Variants in HHAT observed in about 807,000 individuals in gnomAD.
HHAT encodes hedgehog acyltransferase.
A neutral mutation model predicts 70.8 loss-of-function variants in HHAT; 47 were observed. That is an observed-to-expected ratio of 0.66 (90% CI 0.53 to 0.85). The LOEUF (loss-of-function observed/expected upper bound fraction) is 0.85. Ranked by LOEUF, HHAT falls within the 40% of genes least tolerant of loss-of-function variation. The pLI, the probability that HHAT is intolerant of heterozygous loss-of-function variation, is 0.00. For synonymous variants in HHAT, 228 were observed against 247.6 expected, an observed-to-expected ratio of 0.92 and a Z score of 0.74; for missense variants, 609 against 604.8, an observed-to-expected ratio of 1.01 and a Z score of -0.07.
intron 9 of HHAT, among the ~76,000 whole-genome samples, chr1:210,526,874 A>G (rs1573042074): frequency 6.6e-6 from 1 of 152,200 alleles, no homozygotes; most frequent in Non-Finnish European, 1.5e-5. Flanking sequence ...AATATGAAAT[A>G]TATATTTGGT....
At chr1:210,643,215 G>A (rs1673318111) in intron 11 of HHAT, among the ~76,000 whole-genome samples, 1 of 152,140 alleles carries the variant, frequency 6.6e-6, no homozygotes, top group African/African-American at 2.4e-5. Context: ...TGCTGTGAAT[G>A]TAATTCCTTA....
intron 10 of HHAT, among the ~76,000 whole-genome samples, chr1:210,615,757 T>A (rs527932499): frequency 1.3e-5 from 2 of 152,372 alleles, no homozygotes; most frequent in African/African-American, 2.4e-5. Context: ...CAGCGAATAT[T>A]GCTGAACAGC....
At chr1:210,608,285 A>G (rs899913102) in intron 10 of HHAT, among the ~76,000 whole-genome samples, 3 of 152,206 alleles carry the variant, frequency 2.0e-5, no homozygotes, top group Non-Finnish European at 4.4e-5. Context: ...GCCTGCAGTT[A>G]TGAATCATTT....
rs1334523648 is a variant in HHAT at position 210,595,557 on chromosome 1, G to T, written c.1245+7458G>T. On this transcript the variant is annotated intron_variant, in intron 10 of 11. Coordinates refer to ENST00000261458, the MANE Select transcript of HHAT (RefSeq NM_018194.6). ...AGTCGCCACACTGACTTCCACAATG[G>T]TTGAACTAGTTTACAGTCCCACCAT... is the stretch of plus-strand genomic sequence containing the variant. Among the ~76,000 whole-genome samples the T allele has an allele frequency of 2.6e-5, 4 of 152,168 alleles. No homozygotes were observed. The East Asian group carries it at 7.7e-4, about 29-fold the overall frequency.
At chr1:210,535,496 A>C (rs1425227144) in intron 9 of HHAT, among the ~76,000 whole-genome samples, 4 of 151,228 alleles carry the variant, frequency 2.6e-5, no homozygotes, top group African/African-American at 9.7e-5. Context: ...ATAGTTGATG[A>C]TTCTCTGGAC....
intron 9 of HHAT, among the ~76,000 whole-genome samples, chr1:210,522,731 G>T (rs1330758778): frequency 6.6e-6 from 1 of 152,124 alleles, no homozygotes; most frequent in Admixed American, 6.5e-5. Flanking sequence ...GCCTGGAAAT[G>T]ATGGAAACTC....
At chr1:210,649,492 C>G (rs114188110) in intron 11 of HHAT, among the ~76,000 whole-genome samples, 1 of 152,350 alleles carries the variant, frequency 6.6e-6, no homozygotes, top group African/African-American at 2.4e-5. Flanking sequence ...GACCTAACAT[C>G]ACCATGACTA....
intron 1 of HHAT, among the ~76,000 whole-genome samples, chr1:210,346,745 A>G (rs1456878693): frequency 6.6e-6 from 1 of 152,214 alleles, no homozygotes; most frequent in East Asian, 1.9e-4. Context: ...TGGTCTGAAG[A>G]AAGGAGTTTG....
At chr1:210,561,452 A>C (rs2095621961) in intron 9 of HHAT, among the ~76,000 whole-genome samples, 1 of 152,156 alleles carries the variant, frequency 6.6e-6, no homozygotes, top group Non-Finnish European at 1.5e-5. Context: ...TGTGAGTCTA[A>C]ATCTGTTTCC....
intron 9 of HHAT, 131 bp downstream of exon 9, chr1:210,513,319 C>T (rs1432800361): frequency 1.9e-6 from 1 of 532,930 alleles, no homozygotes; most frequent in Non-Finnish European, 3.3e-6. Flanking sequence ...GAAAACATTG[C>T]TAACACTATG....
intron 10 of HHAT, among the ~76,000 whole-genome samples, chr1:210,593,676 C>A (rs892342168): frequency 6.6e-6 from 1 of 152,082 alleles, no homozygotes; most frequent in Non-Finnish European, 1.5e-5. Flanking sequence ...CTGTAAATGT[C>A]GATTAGGTCC....
At chr1:210,493,246 GTGCATGTATA>G (rs1174657438) in intron 8 of HHAT, among the ~76,000 whole-genome samples, 1 of 151,984 alleles carries the variant, frequency 6.6e-6, no homozygotes, top group Non-Finnish European at 1.5e-5. Context: ...ATGTATGTAT[GTGCATGTATA>G]TATACATACA....
intron 8 of HHAT, 152 bp downstream of exon 8, chr1:210,464,807 C>T (rs981336635): frequency 2.8e-6 from 2 of 719,440 alleles, no homozygotes; most frequent in Non-Finnish European, 4.6e-6. Context: ...AACAGGATGA[C>T]TAATCCATGC....
chr1:210,374,724 G>A (rs1214885021), intron 3 of HHAT, among the ~76,000 whole-genome samples: 1 of 151,444 alleles, frequency 6.6e-6, no homozygotes, highest in Non-Finnish European at 1.5e-5. Context: ...AGTACAGAGA[G>A]GCCTTGTGTA....
At chr1:210,368,431 G>A (rs9970284) in intron 3 of HHAT, among the ~76,000 whole-genome samples, 86,728 of 151,778 alleles carry the variant, frequency 0.57, 25,791 homozygotes, top group African/African-American at 0.73. Context: ...AGCTGGGGTT[G>A]CAGGCGTGTG....
intron 9 of HHAT, among the ~76,000 whole-genome samples, chr1:210,559,175 G>A (rs2095599327): frequency 6.6e-6 from 1 of 152,156 alleles, no homozygotes; most frequent in Non-Finnish European, 1.5e-5. Flanking sequence ...TCAGGCTGTA[G>A]CCTCTTATTG....
In HHAT at chr1:210,638,950, T is replaced by C. The variant is rs1163513530; in HGVS notation, c.1390+15280T>C. On this transcript the variant is annotated intron_variant, in intron 11 of 11. Coordinates refer to ENST00000261458, the MANE Select transcript of HHAT (RefSeq NM_018194.6). ...TTAAAAACAAAAATGATTGTGGTGA[T>C]GGTTCAACAACTCTGTGAATATACT... Among the ~76,000 whole-genome samples the C allele has an allele frequency of 3.3e-5, 5 of 152,116 alleles. No homozygotes were observed. The East Asian group carries it at 9.6e-4, about 29-fold the overall frequency.
chr1:210,459,196 T>TG (rs1468821212), intron 7 of HHAT, among the ~76,000 whole-genome samples: 1 of 152,180 alleles, frequency 6.6e-6, no homozygotes, highest in Admixed American at 6.5e-5. Flanking sequence ...TTCTTGATAC[T>TG]GGGAATACAA....
intron 9 of HHAT, among the ~76,000 whole-genome samples, chr1:210,563,882 A>AT (rs2095645835): frequency 6.6e-6 from 1 of 152,228 alleles, no homozygotes; most frequent in East Asian, 1.9e-4. Flanking sequence ...GCATCAGTGT[A>AT]TTATTAGCCT....
Sources: allele counts gnomAD v4.1 joint callset (sites outside exome capture counted in the v4.1 genomes callset), GRCh38; gene constraint gnomAD v4.1.1; transcripts MANE v1.5; gene names NCBI Gene and HGNC (gene_info 2026-07-23, HGNC 2026-07-21).